AGMO: variants seen among roughly 807,000 people sequenced by gnomAD.
AGMO encodes glyceryl-ether monooxygenase.
A neutral mutation model predicts 60.2 loss-of-function variants in AGMO; 75 were observed. The ratio of observed to expected loss-of-function variants is 1.25; its 90% CI spans 1.03 to 1.51. The LOEUF (loss-of-function observed/expected upper bound fraction) is 1.51, where lower values mean the gene tolerates loss of function less well. Ranked by LOEUF, AGMO falls within the 40% of genes most tolerant of loss-of-function variation. The pLI, the probability that AGMO is intolerant of heterozygous loss-of-function variation, is 0.00. For missense variants in AGMO, 763 were observed against 525.5 expected, an observed-to-expected ratio of 1.45 and a Z score of -4.42; for synonymous variants, 261 against 177.1, an observed-to-expected ratio of 1.47 and a Z score of -3.76.
chr7:15,501,814 A>G (rs1374371324), intron 3 of AGMO, among the ~76,000 whole-genome samples: 1 of 152,006 alleles, frequency 6.6e-6, no homozygotes, highest in African/African-American at 2.4e-5. Context: ...AGATGTAACA[A>G]TCCAAGAATA....
Position 15,560,242 on chromosome 7 carries a change from C to T in AGMO, c.156G>A (p.Leu52=). 6.2e-7 allele frequency: 1 copy of T among 1,612,488 alleles called. No individual in the cohort carries two copies. Among genetic ancestry groups the T allele is most frequent in the East Asian group, 2.2e-5 (1 of 44,780 alleles). The change falls in exon 2 of 13, where the codon CTG becomes CTA. Residue 52 remains leucine, a synonymous_variant. Transcript: ENST00000342526. ...KATPFFISLM[L]LELVVSWILK... ...GAATCCAGCTGACAACAAGTTCAAG[C>T]AGCATCAAAGAAATGAAAAATGGAG... is the stretch of plus-strand genomic sequence containing the variant.
intron 12 of AGMO, among the ~76,000 whole-genome samples, chr7:15,229,504 T>G (rs779352792): frequency 2.6e-4 from 28 of 109,384 alleles, no homozygotes; most frequent in Non-Finnish European, 4.0e-4. Flanking sequence ...CCCCTCATCC[T>G]TCCAAAAAAA....
chr7:15,553,760 A>G (rs1785046994), intron 2 of AGMO, among the ~76,000 whole-genome samples: 1 of 152,132 alleles, frequency 6.6e-6, no homozygotes. Flanking sequence ...CTGAAATTGA[A>G]ATACTTTTCT....
At chr7:15,524,398 T>G (rs1198928111) in intron 3 of AGMO, among the ~76,000 whole-genome samples, 1 of 152,142 alleles carries the variant, frequency 6.6e-6, no homozygotes, top group Non-Finnish European at 1.5e-5. Context: ...AAAATAATTA[T>G]GAAATGTTTG....
At chr7:15,450,535 T>C (rs895818084) in intron 3 of AGMO, among the ~76,000 whole-genome samples, 1 of 152,184 alleles carries the variant, frequency 6.6e-6, no homozygotes, top group African/African-American at 2.4e-5. Flanking sequence ...CAAATATTTG[T>C]TGAAATACTT....
rs201798424 is a variant in AGMO, at chr7:15,368,723, CA to C, written c.1075-2502del. ...TACAATAAGATGAGCAACTGAGAAG[CA>C]TAAATAGAAGTTCTAATTAGCTCTT... On this transcript the variant is annotated intron_variant, in intron 10 of 12. Coordinates refer to ENST00000342526, the MANE Select transcript of AGMO (RefSeq NM_001004320.2). 5.3e-3 allele frequency among the ~76,000 whole-genome samples: 806 copies of C among 152,196 alleles called. 11 individuals are homozygous for C. The highest frequency in any genetic ancestry group is 0.018 in the African/African-American group (760 of 41,528).
the AGMO span, among the ~76,000 whole-genome samples, chr7:15,170,620 T>C: frequency 2.0e-5 from 3 of 152,160 alleles, no homozygotes; most frequent in Admixed American, 1.3e-4. Context: ...TAGTATAGAG[T>C]ATTTCCATAT....
At chr7:15,553,871 A>G (rs1461094789) in intron 2 of AGMO, among the ~76,000 whole-genome samples, 1 of 152,158 alleles carries the variant, frequency 6.6e-6, no homozygotes, top group Admixed American at 6.6e-5. Flanking sequence ...TATGCCTAAC[A>G]TACTACAGTC....
chr7:15,347,095 G>C (rs1333574977), intron 12 of AGMO, among the ~76,000 whole-genome samples: 1 of 151,900 alleles, frequency 6.6e-6, no homozygotes, highest in African/African-American at 2.4e-5. Flanking sequence ...AACTTTAAAT[G>C]ACTCTGTGAA....
At chr7:15,331,581 T>C (rs1019950803) in intron 12 of AGMO, among the ~76,000 whole-genome samples, 8 of 152,158 alleles carry the variant, frequency 5.3e-5, no homozygotes, top group African/African-American at 1.9e-4. Flanking sequence ...TTCACTAAAA[T>C]ATATTCTCCT....
intron 12 of AGMO, among the ~76,000 whole-genome samples, chr7:15,300,576 C>T (rs967930509): frequency 6.6e-6 from 1 of 152,026 alleles, no homozygotes; most frequent in African/African-American, 2.4e-5. Context: ...CAGAAATAAC[C>T]TTCAAAAGAA....
intron 12 of AGMO, among the ~76,000 whole-genome samples, chr7:15,224,848 T>A (rs1411276371): frequency 6.6e-6 from 1 of 152,066 alleles, no homozygotes; most frequent in Non-Finnish European, 1.5e-5. Context: ...TAATTATATT[T>A]ACAAATTTTA....
intron 9 of AGMO, among the ~76,000 whole-genome samples, chr7:15,386,086 C>T (rs1783898760): frequency 6.6e-6 from 1 of 151,680 alleles, no homozygotes; most frequent in African/African-American, 2.4e-5. Context: ...GAGGCTGAGG[C>T]AGAAGAACTG....
chr7:15,535,111 A>G (rs1214598174), intron 3 of AGMO, among the ~76,000 whole-genome samples: 1 of 151,966 alleles, frequency 6.6e-6, no homozygotes, highest in Non-Finnish European at 1.5e-5. Context: ...AATATTACAC[A>G]GTTAAAAAGT....
the AGMO span, among the ~76,000 whole-genome samples, chr7:15,133,126 G>T: frequency 6.6e-6 from 1 of 152,154 alleles, no homozygotes; most frequent in Non-Finnish European, 1.5e-5. Context: ...TGTCAAATTA[G>T]CTATTTAGCT....
chr7:15,366,871 T>A (rs1395611236), intron 10 of AGMO, among the ~76,000 whole-genome samples: 1 of 152,144 alleles, frequency 6.6e-6, no homozygotes, highest in East Asian at 1.9e-4. Context: ...GAATGAGTAC[T>A]ATCTTTCCAG....
the AGMO span, among the ~76,000 whole-genome samples, chr7:15,126,153 A>C: frequency 6.6e-6 from 1 of 152,114 alleles, no homozygotes; most frequent in Non-Finnish European, 1.5e-5. Context: ...TGAAATGAGA[A>C]GACTTGGGTT....
At chr7:15,360,635 TGGA>T (rs1231367192) in intron 12 of AGMO, among the ~76,000 whole-genome samples, 2 of 151,432 alleles carry the variant, frequency 1.3e-5, no homozygotes, top group African/African-American at 4.9e-5. Context: ...TGGCAGAGGT[TGGA>T]GGAGGTGGAG....
chr7:15,157,009 A>G, the AGMO span, among the ~76,000 whole-genome samples: 653 of 152,328 alleles, frequency 4.3e-3, 1 homozygote, highest in African/African-American at 0.014. Context: ...CCATTAAATC[A>G]TTAAGACAAC....
Sources: allele counts gnomAD v4.1 joint callset (sites outside exome capture counted in the v4.1 genomes callset), GRCh38; gene constraint gnomAD v4.1.1; transcripts MANE v1.5; gene names NCBI Gene and HGNC (gene_info 2026-07-23, HGNC 2026-07-21).